The following MAF variants were observed in gnomAD, a reference collection of about 807,000 sequenced individuals.
MAF encodes transcription factor Maf.
In MAF, 10 loss-of-function variants were observed where a neutral mutation model predicts 22.0. The observed-to-expected ratio is 0.45, with a 90% CI of 0.28 to 0.77. MAF has a LOEUF of 0.77. Among genes scored for constraint, MAF ranks in the 30% least tolerant of loss-of-function variants. MAF has a pLI of 0.12. For missense variants in MAF, 544 were observed against 548.4 expected, an observed-to-expected ratio of 0.99 and a Z score of 0.08; for synonymous variants, 337 against 255.8, an observed-to-expected ratio of 1.32 and a Z score of -3.03.
the MAF span, among the ~76,000 whole-genome samples, chr16:79,234,442 G>C: frequency 2.0e-5 from 3 of 152,238 alleles, no homozygotes; most frequent in African/African-American, 7.2e-5. Flanking sequence ...TTAGTAGCTT[G>C]TCTCATTATG....
the MAF span, chr16:79,212,308 G>T: frequency 2.2e-6 from 2 of 910,916 alleles, no homozygotes; most frequent in South Asian, 1.9e-5. Flanking sequence ...CTGCTGGGGA[G>T]ACAAATCTCA....
At chr16:79,287,520 A>C in the MAF span, among the ~76,000 whole-genome samples, 3 of 152,164 alleles carry the variant, frequency 2.0e-5, no homozygotes, top group Admixed American at 6.5e-5. Context: ...CCAAACCCCC[A>C]AACCCTGAGT....
chr16:79,597,136 C>T, intron 1 of MAF: 1 of 1,057,610 alleles, frequency 9.5e-7, no homozygotes, highest in Non-Finnish European at 1.1e-6. Context: ...AAACAGTCCC[C>T]TTGCAAACTC....
chr16:79,535,913 A>C, the MAF span, among the ~76,000 whole-genome samples: 5 of 152,096 alleles, frequency 3.3e-5, no homozygotes, highest in African/African-American at 1.2e-4. Context: ...TAGTTTAGCT[A>C]TATGTGATAC....
chr16:79,293,061 A>T, the MAF span, among the ~76,000 whole-genome samples: 2 of 152,210 alleles, frequency 1.3e-5, no homozygotes, highest in Non-Finnish European at 2.9e-5. Flanking sequence ...TGAGTAGCCC[A>T]TGCCACTGCT....
At chr16:79,513,692 G>C in the MAF span, among the ~76,000 whole-genome samples, 48 of 152,132 alleles carry the variant, frequency 3.2e-4, 1 homozygote, top group Non-Finnish European at 1.0e-4. Flanking sequence ...TAAGCTTGTT[G>C]AGCTTATTGA....
chr16:79,563,372 C>G, the MAF span, among the ~76,000 whole-genome samples: 1 of 152,094 alleles, frequency 6.6e-6, no homozygotes, highest in Non-Finnish European at 1.5e-5. Context: ...AATTTAAAAA[C>G]TGAAGCAGTG....
chr16:79,466,225 C>A, the MAF span, among the ~76,000 whole-genome samples: 1 of 152,150 alleles, frequency 6.6e-6, no homozygotes, highest in African/African-American at 2.4e-5. Context: ...CCCTCTAGAC[C>A]CACCCTCTCA....
At chr16:79,232,395 C>G in the MAF span, among the ~76,000 whole-genome samples, 3 of 151,994 alleles carry the variant, frequency 2.0e-5, no homozygotes, top group African/African-American at 7.2e-5. Context: ...ATTGATACGA[C>G]TTTTGGTAAC....
intron 1 of MAF, chr16:79,597,520 A>G (rs1913605724): frequency 2.0e-6 from 2 of 1,023,994 alleles, no homozygotes; most frequent in African/African-American, 3.4e-5. Flanking sequence ...AATGTTTGCC[A>G]GGTTAAATGT....
chr16:79,488,964 T>C, the MAF span, among the ~76,000 whole-genome samples: 1 of 152,342 alleles, frequency 6.6e-6, no homozygotes. Context: ...TGTTGGCCTT[T>C]CAGGGCAGAG....
chr16:79,284,436 G>A, the MAF span, among the ~76,000 whole-genome samples: 46 of 152,242 alleles, frequency 3.0e-4, no homozygotes, highest in Middle Eastern at 3.4e-3. Context: ...TATATGCTGG[G>A]CCTAAAGTAA....
At chr16:79,549,038 C>T in the MAF span, among the ~76,000 whole-genome samples, 25,877 of 152,088 alleles carry the variant, frequency 0.17, 2,480 homozygotes, top group Middle Eastern at 0.23. Flanking sequence ...AACACTGTTC[C>T]AGCCTGGTTT....
chr16:79,438,083 G>A, the MAF span, among the ~76,000 whole-genome samples: 1 of 152,104 alleles, frequency 6.6e-6, no homozygotes, highest in South Asian at 2.1e-4. Flanking sequence ...GTCTGAGCAG[G>A]CTTTAGAAAA....
At chr16:79,366,217 G>A in the MAF span, among the ~76,000 whole-genome samples, 1 of 152,172 alleles carries the variant, frequency 6.6e-6, no homozygotes, top group Non-Finnish European at 1.5e-5. Context: ...AAAAGAATAT[G>A]TAAAATATAT....
the MAF span, among the ~76,000 whole-genome samples, chr16:79,514,675 T>C: frequency 4.9e-4 from 75 of 152,302 alleles, 1 homozygote; most frequent in South Asian, 0.015. Context: ...TGTCTACCTC[T>C]ACAGACCCAA....
At chr16:79,316,929 C>T in the MAF span, among the ~76,000 whole-genome samples, 1 of 152,184 alleles carries the variant, frequency 6.6e-6, no homozygotes, top group African/African-American at 2.4e-5. Flanking sequence ...TGAAGTAAAG[C>T]ACCTCGTGAA....
chr16:79,264,817 A>G, the MAF span, among the ~76,000 whole-genome samples: 77 of 152,270 alleles, frequency 5.1e-4, no homozygotes, highest in Non-Finnish European at 8.5e-4. Context: ...CATGTCTTCA[A>G]GACAGCGGTT....
the MAF span, among the ~76,000 whole-genome samples, chr16:79,480,509 G>A: frequency 2.6e-5 from 4 of 152,160 alleles, no homozygotes; most frequent in Non-Finnish European, 2.9e-5. Flanking sequence ...CAGCATGTAG[G>A]AGAAAAACTG....
Sources: gnomAD v4.1 joint callset for allele counts (sites outside exome capture counted in the v4.1 genomes callset) on GRCh38, gnomAD v4.1.1 for gene constraint, MANE v1.5 for transcripts, NCBI Gene and HGNC (gene_info 2026-07-23, HGNC 2026-07-21) for gene names.